ANXA1: variants seen among roughly 807,000 people sequenced by gnomAD.
The protein encoded by ANXA1 is annexin I (lipocortin I).
Under a neutral mutation model 47.9 loss-of-function variants are expected in ANXA1, and 39 were observed. The observed-to-expected ratio is 0.81, with a 90% confidence interval of 0.63 to 1.06. The LOEUF (loss-of-function observed/expected upper bound fraction) is 1.06, where lower values mean the gene tolerates loss of function less well. Ranked by LOEUF, ANXA1 falls within the 50% of genes least tolerant of loss-of-function variation. The probability of loss-of-function intolerance (pLI) is 0.00; values close to 1 mark genes in which losing one functional copy is unlikely to be tolerated. For missense variants in ANXA1, 446 were observed against 422.7 expected (o/e 1.06, Z -0.48); for synonymous variants, 146 against 142.5 (o/e 1.02, Z -0.17).
At chr9:73,169,238 A>G in intron 12 of ANXA1, 84 bp downstream of exon 12, 4 of 1,400,562 alleles carry the variant, frequency 2.9e-6, no homozygotes, top group Non-Finnish European at 3.8e-6. Flanking sequence ...GACTTATTGT[A>G]TCTATAAATT....
intron 1 of ANXA1, among the ~76,000 whole-genome samples, chr9:73,155,576 C>G (rs1439690558): frequency 6.6e-6 from 1 of 152,152 alleles, no homozygotes; most frequent in Non-Finnish European, 1.5e-5. Flanking sequence ...CCTTAACCAG[C>G]TGTATGTGAT....
chr9:73,162,305 G>A (rs945991850), intron 6 of ANXA1, among the ~76,000 whole-genome samples: 1 of 152,156 alleles, frequency 6.6e-6, no homozygotes, highest in Non-Finnish European at 1.5e-5. Flanking sequence ...ATTATTTTAT[G>A]TAGTTAAGCA....
intron 6 of ANXA1, 51 bp from the exon 7 acceptor site, chr9:73,162,728 CTTA>C (rs1824163698): frequency 7.3e-7 from 1 of 1,370,584 alleles, no homozygotes; most frequent in Non-Finnish European, 1.0e-6. Context: ...GTCAGATATT[CTTA>C]TTATTATTCA....
chr9:73,159,007 A>G (rs995221067), intron 3 of ANXA1, among the ~76,000 whole-genome samples: 1 of 152,220 alleles, frequency 6.6e-6, no homozygotes, highest in Non-Finnish European at 1.5e-5. Flanking sequence ...GTTACAGCAG[A>G]TATTACTGGC....
rs1256269099 is a variant in ANXA1, at chr9:73,170,132, A to G, written c.*25A>G. ...AACATTCCCTTGATGGTCTCAAGCTATGATCAGAAGACTTTAATTATATAT... is the reference window on the plus strand; with the variant it reads ...AACATTCCCTTGATGGTCTCAAGCTGTGATCAGAAGACTTTAATTATATAT... On this transcript the variant is annotated 3_prime_UTR_variant, in exon 13 of 13. Transcript: ENST00000257497. 6.3e-7 allele frequency: 1 copy of G among 1,584,518 alleles called. No homozygotes were observed.
chr9:73,162,908 A>G (rs764276949), intron 7 of ANXA1, 47 bp downstream of exon 7: 17 of 1,438,454 alleles, frequency 1.2e-5, no homozygotes, highest in African/African-American at 7.0e-5. Flanking sequence ...TATAAAGACT[A>G]ATTTCTTAGT....
chr9:73,167,610 G>A lies in ANXA1; in HGVS notation c.861+55G>A, dbSNP rs376543717. On this transcript the variant is annotated intron_variant, in intron 11 of 12. Coordinates refer to ENST00000257497, the MANE Select transcript of ANXA1 (RefSeq NM_000700.3). ...TTAGAGGAAGAATTATTTGTAGAAA[G>A]AACAGAAAACCTCATGTTGTTTGAA... The A allele has an allele frequency of 1.3e-3, 1,939 of 1,492,480 alleles. 34 individuals carry two copies. In the South Asian group the frequency reaches 0.022, roughly 17 times the overall value. 92.5% of individuals were successfully genotyped at this position (1,492,480 alleles called of 1,614,324 possible). A position where few individuals can be genotyped will look rare whatever the true frequency, so the allele number is the denominator to read the frequency against.
At position 73,167,558 on chromosome 9, in the gene ANXA1, A is replaced by G. The variant is rs1389317894; in HGVS notation, c.861+3A>G. ...AGAAGCTTCATCAAGCCATGAAAGTATGTACCATTCTACTTATATGTCCTG... is the reference window on the plus strand; with the variant it reads ...AGAAGCTTCATCAAGCCATGAAAGTGTGTACCATTCTACTTATATGTCCTG... On this transcript the variant is annotated splice_donor_region_variant and intron_variant, in intron 11 of 12. Transcript: ENST00000257497. 4 of 1,613,088 alleles carry G rather than the reference A, an allele frequency of 2.5e-6. No individual in the cohort carries two copies. Among genetic ancestry groups the G allele is most frequent in the South Asian group, 1.1e-5 (1 of 91,022 alleles).
intron 8 of ANXA1, among the ~76,000 whole-genome samples, chr9:73,164,485 T>C (rs1005606084): frequency 6.6e-6 from 1 of 152,164 alleles, no homozygotes; most frequent in Non-Finnish European, 1.5e-5. Context: ...TTTAAGACTA[T>C]CAGGGTTCTT....
chr9:73,168,252 T>C (rs938843071), intron 11 of ANXA1: 3 of 152,310 alleles, frequency 2.0e-5, no homozygotes, highest in Middle Eastern at 3.4e-3. Flanking sequence ...TATGAAATGA[T>C]AGACATGCTA....
intron 3 of ANXA1, 126 bp from the exon 4 acceptor site, chr9:73,159,203 T>C: frequency 1.3e-6 from 1 of 755,800 alleles, no homozygotes; most frequent in Non-Finnish European, 2.2e-6. Flanking sequence ...TTTTTTAGGC[T>C]GATATATAAT....
intron 1 of ANXA1, among the ~76,000 whole-genome samples, chr9:73,156,960 T>C (rs1206348564): frequency 6.6e-6 from 1 of 152,196 alleles, no homozygotes; most frequent in Admixed American, 6.5e-5. Flanking sequence ...ATTTTCAATA[T>C]ACTTAAGATC....
chr9:73,162,161 A>C (rs1250445195), intron 6 of ANXA1, among the ~76,000 whole-genome samples: 1 of 152,166 alleles, frequency 6.6e-6, no homozygotes, highest in Non-Finnish European at 1.5e-5. Flanking sequence ...CCCATCATCC[A>C]AACATCTCCC....
At chr9:73,169,595 AG>A (rs1413911319) in intron 12 of ANXA1, among the ~76,000 whole-genome samples, 1 of 152,132 alleles carries the variant, frequency 6.6e-6, no homozygotes, top group Non-Finnish European at 1.5e-5. Flanking sequence ...AGAACAGTCA[AG>A]GGTTTTGGAC....
At chr9:73,166,554 C>A (rs1218929203) in intron 10 of ANXA1, among the ~76,000 whole-genome samples, 1 of 152,098 alleles carries the variant, frequency 6.6e-6, no homozygotes, top group Non-Finnish European at 1.5e-5. Flanking sequence ...AAGTCCTGGT[C>A]TACTGCTTGT....
chr9:73,156,129 AAAT>A (rs1037095085), intron 1 of ANXA1, among the ~76,000 whole-genome samples: 5 of 145,464 alleles, frequency 3.4e-5, no homozygotes, highest in African/African-American at 1.0e-4. Context: ...AATAATAAAT[AAAT>A]AATAATAATA....
chr9:73,153,897 G>C (rs1824007297), intron 1 of ANXA1, among the ~76,000 whole-genome samples: 2 of 152,154 alleles, frequency 1.3e-5, no homozygotes, highest in African/African-American at 4.8e-5. Flanking sequence ...ATACAGAAAG[G>C]TGGGGCTGGT....
intron 9 of ANXA1, chr9:73,165,535 A>C (rs1824213775): frequency 1.2e-5 from 2 of 167,834 alleles, no homozygotes; most frequent in Admixed American, 6.3e-5. Context: ...AGAAAAACAA[A>C]AAAAAAAAAA....
intron 3 of ANXA1, 26 bp downstream of exon 3, chr9:73,158,829 C>T (rs753037155): frequency 4.5e-6 from 7 of 1,563,802 alleles, no homozygotes; most frequent in Non-Finnish European, 6.2e-6. Context: ...AAAACAGTTC[C>T]CTCCTGGACA....
Sources: gnomAD v4.1 joint callset for allele counts (sites outside exome capture counted in the v4.1 genomes callset) on GRCh38, gnomAD v4.1.1 for gene constraint, MANE v1.5 for transcripts, NCBI Gene and HGNC (gene_info 2026-07-23, HGNC 2026-07-21) for gene names.